IGSF10: variants seen among roughly 807,000 people sequenced by gnomAD.
IGSF10 encodes calvaria mechanical force protein 608.
A neutral mutation model predicts 128.2 loss-of-function variants in IGSF10; 126 were observed. The ratio of observed to expected loss-of-function variants is 0.98; its 90% CI spans 0.85 to 1.14. IGSF10 has a LOEUF of 1.14. Ranked by LOEUF, IGSF10 falls within the 50% of genes most tolerant of loss-of-function variation. The pLI, the probability that IGSF10 is intolerant of heterozygous loss-of-function variation, is 0.00. For synonymous variants in IGSF10, 1,185 were observed against 1,146.2 expected, an observed-to-expected ratio of 1.03 and a Z score of -0.68; for missense variants, 3,295 against 3,149.8, an observed-to-expected ratio of 1.05 and a Z score of -1.10.
intron 7 of IGSF10, among the ~76,000 whole-genome samples, chr3:151,442,603 G>A (rs946238251): frequency 1.4e-5 from 2 of 146,906 alleles, no homozygotes; most frequent in East Asian, 4.0e-4. Context: ...TGGCCGAGCT[G>A]GTCCTGAACT....
downstream of IGSF10, chr3:151,435,592 T>C (rs956561970): frequency 6.7e-6 from 1 of 149,252 alleles, no homozygotes; most frequent in Non-Finnish European, 1.5e-5. Context: ...ACCTATGGCA[T>C]TTTTTTCCCA....
the IGSF10 span, among the ~76,000 whole-genome samples, chr3:151,616,481 T>C: frequency 6.6e-6 from 1 of 152,168 alleles, no homozygotes; most frequent in African/African-American, 2.4e-5. Flanking sequence ...GAGAGAGTGG[T>C]TTTGTATCTT....
chr3:151,511,021 C>G, the IGSF10 span, among the ~76,000 whole-genome samples: 1 of 152,162 alleles, frequency 6.6e-6, no homozygotes, highest in Non-Finnish European at 1.5e-5. Flanking sequence ...GAGAATGGAA[C>G]CCAGTTGGAA....
At chr3:151,539,879 C>T in the IGSF10 span, among the ~76,000 whole-genome samples, 1 of 151,872 alleles carries the variant, frequency 6.6e-6, no homozygotes, top group Non-Finnish European at 1.5e-5. Context: ...GTCTGTCATT[C>T]GTCTGTCTGT....
chr3:151,508,920 A>G, the IGSF10 span, among the ~76,000 whole-genome samples: 2 of 152,210 alleles, frequency 1.3e-5, no homozygotes, highest in African/African-American at 4.8e-5. Context: ...AATTATAATT[A>G]TGGTTATTAT....
the IGSF10 span, among the ~76,000 whole-genome samples, chr3:151,617,317 T>C: frequency 3.4e-5 from 4 of 118,508 alleles, no homozygotes; most frequent in African/African-American, 1.4e-4. Flanking sequence ...CTTCTTCTTC[T>C]TCCCCTCCTC....
the IGSF10 span, among the ~76,000 whole-genome samples, chr3:151,489,126 A>T: frequency 6.6e-6 from 1 of 152,176 alleles, no homozygotes; most frequent in Non-Finnish European, 1.5e-5. Flanking sequence ...ACAAATTTAC[A>T]GGAAAGAAAC....
At chr3:151,438,680 C>T in intron 7 of IGSF10, 83 bp from the exon 8 acceptor site, 1 of 1,020,084 alleles carries the variant, frequency 9.8e-7, no homozygotes, top group East Asian at 2.5e-5. Context: ...TCCCTCTGCC[C>T]CAGCTTTATT....
At chr3:151,617,317 T>TTTTTCTTC in the IGSF10 span, among the ~76,000 whole-genome samples, 1 of 118,512 alleles carries the variant, frequency 8.4e-6, no homozygotes, top group African/African-American at 3.5e-5. Context: ...CTTCTTCTTC[T>TTTTTCTTC]TCCCCTCCTC....
chr3:151,484,104 G>A, the IGSF10 span, among the ~76,000 whole-genome samples: 2 of 152,326 alleles, frequency 1.3e-5, no homozygotes, highest in East Asian at 3.9e-4. Flanking sequence ...GAATGCTCAA[G>A]CTTGGTGGTG....
the IGSF10 span, among the ~76,000 whole-genome samples, chr3:151,601,990 G>A: frequency 6.6e-6 from 1 of 152,074 alleles, no homozygotes. Flanking sequence ...CATCACTTAA[G>A]AAGCATTGCT....
At chr3:151,539,806 AT>A in the IGSF10 span, among the ~76,000 whole-genome samples, 1 of 151,152 alleles carries the variant, frequency 6.6e-6, no homozygotes, top group East Asian at 1.9e-4. Flanking sequence ...CTATCTATCT[AT>A]CTATCTATCA....
intron 5 of IGSF10, among the ~76,000 whole-genome samples, chr3:151,451,654 A>G (rs1159266896): frequency 6.6e-6 from 1 of 152,238 alleles, no homozygotes; most frequent in Non-Finnish European, 1.5e-5. Flanking sequence ...TAGCTATCAC[A>G]GCTTGTATAC....
At chr3:151,538,942 T>C in the IGSF10 span, among the ~76,000 whole-genome samples, 7,756 of 152,206 alleles carry the variant, frequency 0.051, 224 homozygotes, top group African/African-American at 0.069. Context: ...CACATCCCAA[T>C]AACAATAATA....
rs1174665620 is a variant in IGSF10 at position 151,436,669 on chromosome 3, GTT to G, written c.*18_*19del. ...AAAAAATAAATTCTGCCCAGATGTTGTTGACTTTATTATTTCATGTCAGATTA... is the reference window on the plus strand; with the variant it reads ...AAAAAATAAATTCTGCCCAGATGTTGGACTTTATTATTTCATGTCAGATTA... On this transcript the variant is annotated 3_prime_UTR_variant, in exon 8 of 8. Transcript: ENST00000282466. The G allele has an allele frequency of 6.5e-7, 1 of 1,531,200 alleles. No individual in the cohort carries two copies. The highest frequency in any genetic ancestry group is 1.4e-5 in the African/African-American group (1 of 72,384). 94.9% of individuals were successfully genotyped at this position (1,531,200 alleles called of 1,614,324 possible).
chr3:151,524,770 G>A, the IGSF10 span, among the ~76,000 whole-genome samples: 4 of 151,952 alleles, frequency 2.6e-5, no homozygotes, highest in African/African-American at 7.2e-5. Flanking sequence ...CCCTTGAACC[G>A]AAAAAGTTAA....
the IGSF10 span, among the ~76,000 whole-genome samples, chr3:151,512,813 C>A: frequency 6.6e-6 from 1 of 152,154 alleles, no homozygotes; most frequent in Non-Finnish European, 1.5e-5. Flanking sequence ...ATACAAACTA[C>A]CATCAGAGAA....
At chr3:151,615,812 A>C in the IGSF10 span, among the ~76,000 whole-genome samples, 1 of 152,200 alleles carries the variant, frequency 6.6e-6, no homozygotes, top group African/African-American at 2.4e-5. Context: ...AAATATTAAC[A>C]GTAATTCTTA....
the IGSF10 span, among the ~76,000 whole-genome samples, chr3:151,513,715 G>GA: frequency 6.6e-6 from 1 of 152,162 alleles, no homozygotes; most frequent in African/African-American, 2.4e-5. Flanking sequence ...TGTATATCTA[G>GA]AAAACCCCAT....
Sources: gnomAD v4.1 joint callset for allele counts (sites outside exome capture counted in the v4.1 genomes callset) on GRCh38, gnomAD v4.1.1 for gene constraint, MANE v1.5 for transcripts, NCBI Gene and HGNC (gene_info 2026-07-23, HGNC 2026-07-21) for gene names.